CALN1: variants seen among roughly 807,000 people sequenced by gnomAD.
CALN1 encodes the protein calcium-binding protein 8.
Under a neutral mutation model 30.6 loss-of-function variants are expected in CALN1, and 17 were observed. The observed-to-expected ratio is 0.56, with a 90% CI of 0.38 to 0.83. The LOEUF (loss-of-function observed/expected upper bound fraction) is 0.83. CALN1 is among the 40% of genes least tolerant of loss of function. The pLI is 0.00. For missense variants in CALN1, 291 were observed against 354.9 expected (o/e 0.82, Z 1.45); for synonymous variants, 156 against 131.4 (o/e 1.19, Z -1.28).
chr7:71,838,820 G>A (rs1280585492), intron 5 of CALN1, among the ~76,000 whole-genome samples: 3 of 152,024 alleles, frequency 2.0e-5, no homozygotes, highest in Admixed American at 6.6e-5. Flanking sequence ...GAAGAAGGAC[G>A]TGTTTTCTTC....
At chr7:72,301,244 G>T (rs911041837) in intron 2 of CALN1, among the ~76,000 whole-genome samples, 1 of 152,080 alleles carries the variant, frequency 6.6e-6, no homozygotes, top group Non-Finnish European at 1.5e-5. Context: ...GGGTGGACAG[G>T]GGGTGACTGA....
At chr7:71,791,412 G>C (rs1449911128) in intron 6 of CALN1, among the ~76,000 whole-genome samples, 1 of 152,122 alleles carries the variant, frequency 6.6e-6, no homozygotes, top group Non-Finnish European at 1.5e-5. Flanking sequence ...AACATTAATG[G>C]TGCTGGAGGC....
At chr7:72,310,151 C>T (rs1424773651) in intron 2 of CALN1, among the ~76,000 whole-genome samples, 1 of 151,858 alleles carries the variant, frequency 6.6e-6, no homozygotes, top group South Asian at 2.1e-4. Context: ...CAAAGAGAGG[C>T]AGCCTAGTAG....
intron 3 of CALN1, among the ~76,000 whole-genome samples, chr7:72,171,145 G>A (rs1484299215): frequency 6.6e-6 from 1 of 152,076 alleles, no homozygotes; most frequent in Non-Finnish European, 1.5e-5. Context: ...GTGACAGAGT[G>A]AGAGTCAGTC....
rs10682965 is a variant in CALN1 at position 71,809,464 on chromosome 7, C to CAAAAAAAAAA, written c.658+862_658+871dup. ...ATGTATACTGACTTATTTAAATGTTCAAAAAAAAAAAAAAGAAAAGAAAAG... is the reference window on the plus strand; with the variant it reads ...ATGTATACTGACTTATTTAAATGTTCAAAAAAAAAAAAAAAAAAAAAAAAGAAAAGAAAAG... On this transcript the variant is annotated intron_variant, in intron 6 of 6. Transcript: ENST00000395275. Among the ~76,000 whole-genome samples, 57 of 108,064 alleles carry CAAAAAAAAAA rather than the reference C, an allele frequency of 5.3e-4. 1 individual carries two copies. Among genetic ancestry groups the CAAAAAAAAAA allele is most frequent in the East Asian group, 2.7e-3 (10 of 3,768 alleles). The allele number at this position is 108,064 out of a possible 152,430, so 70.9% of individuals were successfully genotyped here. A position where few individuals can be genotyped will look rare whatever the true frequency, so the allele number is the denominator to read the frequency against.
intron 3 of CALN1, among the ~76,000 whole-genome samples, chr7:72,249,835 G>A (rs1042528654): frequency 4.6e-5 from 7 of 151,972 alleles, no homozygotes; most frequent in Non-Finnish European, 5.9e-5. Context: ...TACTTGGGAG[G>A]CTGAGGCAGG....
chr7:72,268,993 G>C (rs899502939), intron 3 of CALN1, among the ~76,000 whole-genome samples: 7 of 152,156 alleles, frequency 4.6e-5, no homozygotes, highest in Non-Finnish European at 1.0e-4. Context: ...GCAAGGAGAA[G>C]GGAAATTCAC....
intron 3 of CALN1, among the ~76,000 whole-genome samples, chr7:72,258,717 A>C (rs1796086477): frequency 6.6e-6 from 1 of 152,130 alleles, no homozygotes; most frequent in Admixed American, 6.6e-5. Flanking sequence ...CAGGAGTTCA[A>C]GACCAGCCTG....
chr7:72,393,863 C>A (rs1266003150), intron 2 of CALN1, among the ~76,000 whole-genome samples: 1 of 152,088 alleles, frequency 6.6e-6, no homozygotes, highest in Non-Finnish European at 1.5e-5. Context: ...AATCCCTCTG[C>A]CTCAGCATCC....
At position 72,403,314 on chromosome 7, in the gene CALN1, TCC is replaced by T; in HGVS notation, c.54_55del (p.Asp19ArgfsTer49). ...CTCTCCCCCTCCGAGGGCTCCTCCG[TCC>T]CCCTTTTTCTCATTCTCGGGCTTCC... On this transcript the variant is annotated frameshift_variant, in exon 2 of 7. Transcript: ENST00000395275. LOFTEE classifies it high-confidence loss of function. 6.5e-7 allele frequency: 1 copy of T among 1,549,462 alleles called. No homozygotes were observed. The highest frequency in any genetic ancestry group is 1.2e-5 in the South Asian group (1 of 84,002).
In CALN1 at chr7:71,779,497, G is replaced by T. The variant is rs1792603438; in HGVS notation, c.*8278C>A. On this transcript the variant is annotated 3_prime_UTR_variant, in exon 7 of 7. Transcript: ENST00000395275. ...TAATGAATGGAATCTCTTGTCAAAA[G>T]AAAAAAAAACTTTTATTTTTTCTAT... is the stretch of plus-strand genomic sequence containing the variant. 1 of 149,446 alleles carries T rather than the reference G, an allele frequency of 6.7e-6. No homozygotes were observed. The highest frequency in any genetic ancestry group is 1.5e-5 in the Non-Finnish European group (1 of 67,350). The allele number at this position is 149,446 out of a possible 1,614,324, so 9.3% of individuals were successfully genotyped here.
At chr7:72,345,111 C>T (rs375306927) in intron 2 of CALN1, among the ~76,000 whole-genome samples, 14 of 148,020 alleles carry the variant, frequency 9.5e-5, no homozygotes, top group Non-Finnish European at 2.1e-4. Flanking sequence ...TTATGTTATA[C>T]GAAATTACAT....
chr7:72,215,180 C>T (rs1444216868), intron 3 of CALN1, among the ~76,000 whole-genome samples: 1 of 152,158 alleles, frequency 6.6e-6, no homozygotes, highest in African/African-American at 2.4e-5. Flanking sequence ...ATGCTAACAT[C>T]AATGCATGAC....
chr7:72,403,507 G>T, intron 1 of CALN1, 65 bp from the exon 2 acceptor site: 1 of 608,084 alleles, frequency 1.6e-6, no homozygotes, highest in South Asian at 2.7e-5. Flanking sequence ...CTCAAAGCCT[G>T]CCGCCTAAAT....
chr7:72,326,893 T>C (rs542103124), intron 2 of CALN1, among the ~76,000 whole-genome samples: 3 of 152,332 alleles, frequency 2.0e-5, no homozygotes, highest in South Asian at 4.1e-4. Flanking sequence ...TCAAATGAGC[T>C]AACCAAGGTT....
chr7:71,928,198 T>C (rs1281113662), intron 5 of CALN1, among the ~76,000 whole-genome samples: 2 of 152,176 alleles, frequency 1.3e-5, no homozygotes, highest in Admixed American at 6.5e-5. Context: ...GAGAATACCC[T>C]GTAAGTGGGC....
chr7:71,801,428 G>GTATCTATCTATC (rs58500083), intron 6 of CALN1, among the ~76,000 whole-genome samples: 3,000 of 87,612 alleles, frequency 0.034, 94 homozygotes, highest in Middle Eastern at 0.057. Flanking sequence ...ATGTATGTAT[G>GTATCTATCTATC]TATCTATCTA....
At chr7:71,876,497 C>T (rs912222195) in intron 5 of CALN1, among the ~76,000 whole-genome samples, 6 of 152,184 alleles carry the variant, frequency 3.9e-5, no homozygotes, top group Non-Finnish European at 5.9e-5. Context: ...ATTATCCAGT[C>T]TCAGCTATTC....
intron 3 of CALN1, among the ~76,000 whole-genome samples, chr7:72,178,586 G>A (rs2129545900): frequency 6.6e-6 from 1 of 152,100 alleles, no homozygotes; most frequent in Non-Finnish European, 1.5e-5. Context: ...CTACTCAGGA[G>A]ACTGAGGCAG....
Sources: allele counts gnomAD v4.1 joint callset (sites outside exome capture counted in the v4.1 genomes callset), GRCh38; gene constraint gnomAD v4.1.1; transcripts MANE v1.5; gene names NCBI Gene and HGNC (gene_info 2026-07-23, HGNC 2026-07-21).